Variants in SNAP25 observed in about 807,000 individuals in gnomAD.
SNAP25 encodes synaptosome associated protein 25.
SNAP25 carries 3 observed loss-of-function variants against 28.7 expected under a neutral mutation model. That is an observed-to-expected ratio of 0.10 (90% CI 0.05 to 0.27). SNAP25 has a LOEUF of 0.27. Among genes scored for constraint, SNAP25 ranks in the 10% least tolerant of loss-of-function variants. The pLI, the probability that SNAP25 is intolerant of heterozygous loss-of-function variation, is 1.00. For synonymous variants in SNAP25, 61 were observed against 88.1 expected (o/e 0.69, Z 1.72); for missense variants, 117 against 278.7 (o/e 0.42, Z 4.13).
rs752172889 is a variant in SNAP25 at position 10,236,484 on chromosome 20, G to A, written c.-64+17507G>A. Among the ~76,000 whole-genome samples the A allele has an allele frequency of 4.6e-5, 7 of 152,108 alleles. No individual in the cohort carries two copies. The East Asian group carries it at 5.8e-4, about 13-fold the overall frequency. On this transcript the variant is annotated intron_variant, in intron 1 of 7. Coordinates refer to ENST00000254976, the MANE Select transcript of SNAP25 (RefSeq NM_130811.4). ...CACTTGAGCCTGTCTTGGTAAAGAC[G>A]ATTGCATTTTAAGTTTTTTCCCTGT...
At chr20:10,264,711 G>T (rs1413762712) in intron 1 of SNAP25, among the ~76,000 whole-genome samples, 1 of 152,068 alleles carries the variant, frequency 6.6e-6, no homozygotes, top group African/African-American at 2.4e-5. Flanking sequence ...TTTCCCACTG[G>T]ATCCTTGCAA....
chr20:10,255,163 G>A (rs950197176), intron 1 of SNAP25, among the ~76,000 whole-genome samples: 10 of 152,162 alleles, frequency 6.6e-5, no homozygotes, highest in African/African-American at 2.2e-4. Context: ...GTCCAAGTGG[G>A]CCCACGGATA....
At chr20:10,223,221 G>C (rs1440499348) in intron 1 of SNAP25, among the ~76,000 whole-genome samples, 1 of 152,142 alleles carries the variant, frequency 6.6e-6, no homozygotes, top group African/African-American at 2.4e-5. Flanking sequence ...ACTCTTGCTA[G>C]TTACCCTCAC....
chr20:10,286,696 C>G (rs1369067641), intron 4 of SNAP25, among the ~76,000 whole-genome samples: 2 of 152,216 alleles, frequency 1.3e-5, no homozygotes, highest in South Asian at 2.1e-4. Flanking sequence ...TTGTATTAAA[C>G]TTTTTCAATA....
intron 1 of SNAP25, among the ~76,000 whole-genome samples, chr20:10,266,686 A>G (rs144158252): frequency 3.3e-3 from 509 of 152,358 alleles, no homozygotes; most frequent in African/African-American, 0.012. Context: ...CTTATCTTCA[A>G]TATTGATAAA....
chr20:10,278,667 A>G (rs1224137173), intron 3 of SNAP25, among the ~76,000 whole-genome samples: 2 of 152,156 alleles, frequency 1.3e-5, no homozygotes, highest in Non-Finnish European at 2.9e-5. Flanking sequence ...TGGCAGAATG[A>G]TTAAATGAGC....
intron 6 of SNAP25, among the ~76,000 whole-genome samples, chr20:10,298,925 C>T (rs1021007497): frequency 6.6e-6 from 1 of 152,072 alleles, no homozygotes; most frequent in African/African-American, 2.4e-5. Context: ...CATCTTCGTG[C>T]TCTGACCTAA....
intron 4 of SNAP25, among the ~76,000 whole-genome samples, chr20:10,292,596 T>C (rs1029947141): frequency 6.6e-6 from 1 of 152,140 alleles, no homozygotes; most frequent in Admixed American, 6.5e-5. Context: ...CACTGGTGCC[T>C]GAGTAAGCGA....
At chr20:10,295,005 G>T (rs3025895) in intron 5 of SNAP25, among the ~76,000 whole-genome samples, 174 of 152,308 alleles carry the variant, frequency 1.1e-3, no homozygotes, top group Non-Finnish European at 1.9e-3. Context: ...TGAAATGATG[G>T]CTCCTACGAA....
chr20:10,295,675 T>C (rs1268689660), intron 5 of SNAP25, among the ~76,000 whole-genome samples: 1 of 124,972 alleles, frequency 8.0e-6, no homozygotes, highest in African/African-American at 3.1e-5. Flanking sequence ...AAATGTTAAA[T>C]TCTGGTGTCT....
chr20:10,275,945 G>C (rs1427326217), intron 2 of SNAP25, among the ~76,000 whole-genome samples: 3 of 152,122 alleles, frequency 2.0e-5, no homozygotes, highest in Non-Finnish European at 4.4e-5. Context: ...TATTAAAACT[G>C]AATTACATAA....
At chr20:10,297,475 G>A (rs1444269246) in intron 6 of SNAP25, among the ~76,000 whole-genome samples, 1 of 152,314 alleles carries the variant, frequency 6.6e-6, no homozygotes, top group East Asian at 1.9e-4. Context: ...CATTCCATGA[G>A]TTTAATTGAA....
At chr20:10,237,981 C>T (rs2062953890) in intron 1 of SNAP25, among the ~76,000 whole-genome samples, 1 of 152,158 alleles carries the variant, frequency 6.6e-6, no homozygotes, top group African/African-American at 2.4e-5. Context: ...AGGTTGGCTC[C>T]ATGGAATTAA....
At chr20:10,305,087 G>T (rs1354947834) in intron 7 of SNAP25, among the ~76,000 whole-genome samples, 2 of 152,088 alleles carry the variant, frequency 1.3e-5, no homozygotes, top group Non-Finnish European at 1.5e-5. Flanking sequence ...TGTATTTTAT[G>T]ATAGTAAATA....
intron 1 of SNAP25, among the ~76,000 whole-genome samples, chr20:10,249,823 G>C (rs1055100854): frequency 6.6e-6 from 1 of 152,104 alleles, no homozygotes; most frequent in African/African-American, 2.4e-5. Context: ...TAATTATTTT[G>C]CTTCCCAAGG....
intron 5 of SNAP25, among the ~76,000 whole-genome samples, chr20:10,295,304 C>A (rs183724777): frequency 1.3e-5 from 2 of 152,112 alleles, no homozygotes; most frequent in African/African-American, 4.8e-5. Flanking sequence ...TTTGACTTTG[C>A]CAAAGATGGT....
intron 1 of SNAP25, among the ~76,000 whole-genome samples, chr20:10,270,150 G>A (rs2063569082): frequency 1.3e-5 from 2 of 152,196 alleles, no homozygotes; most frequent in African/African-American, 4.8e-5. Context: ...CTACTTGGGA[G>A]GCCGAGGGAG....
intron 1 of SNAP25, among the ~76,000 whole-genome samples, chr20:10,271,355 G>T (rs1428679529): frequency 1.3e-5 from 2 of 152,210 alleles, no homozygotes; most frequent in African/African-American, 2.4e-5. Flanking sequence ...AGATCTGGAG[G>T]TACGCTCAGC....
intron 1 of SNAP25, among the ~76,000 whole-genome samples, chr20:10,224,667 T>A (rs1256163718): frequency 6.6e-6 from 1 of 152,008 alleles, no homozygotes; most frequent in African/African-American, 2.4e-5. Flanking sequence ...ATCCTTATTT[T>A]TTCCCCCCTC....
Sources: gnomAD v4.1 joint callset for allele counts (sites outside exome capture counted in the v4.1 genomes callset) on GRCh38, gnomAD v4.1.1 for gene constraint, MANE v1.5 for transcripts, NCBI Gene and HGNC (gene_info 2026-07-23, HGNC 2026-07-21) for gene names.